CUX1: variants seen among roughly 807,000 people sequenced by gnomAD.
CUX1 encodes protein CASP.
In CUX1, 31 loss-of-function variants were observed where a neutral mutation model predicts 158.8. The observed-to-expected ratio is 0.20, with a 90% confidence interval of 0.15 to 0.26. CUX1 has a LOEUF of 0.26. Ranked by LOEUF, CUX1 falls within the 10% of genes least tolerant of loss-of-function variation. The pLI is 1.00. For synonymous variants in CUX1, 879 were observed against 862.1 expected, an observed-to-expected ratio of 1.02 and a Z score of -0.34; for missense variants, 1,589 against 2,014.6, an observed-to-expected ratio of 0.79 and a Z score of 4.04.
rs1807017548 is a variant in CUX1, at chr7:101,936,951, TG to T, written c.141+20729del. Reference sequence around the variant, plus strand: ...GTATGCTTGTTAAAAATACTGTCCCTGGGCCCCACCCTAGACTTAGTGAGAC... The same window carrying T: ...GTATGCTTGTTAAAAATACTGTCCCTGGCCCCACCCTAGACTTAGTGAGAC... On this transcript the variant is annotated intron_variant, in intron 2 of 23. Coordinates refer to ENST00000292535, the MANE Select transcript of CUX1 (RefSeq NM_181552.4). Among the ~76,000 whole-genome samples, 7 of 152,264 alleles carry T rather than the reference TG, an allele frequency of 4.6e-5. No individual in the cohort carries two copies. In the South Asian group the frequency reaches 1.4e-3, roughly 32 times the overall value.
At chr7:101,882,830 G>T (rs999379361) in intron 1 of CUX1, among the ~76,000 whole-genome samples, 13 of 152,174 alleles carry the variant, frequency 8.5e-5, no homozygotes, top group African/African-American at 3.1e-4. Flanking sequence ...GTCACTGGAG[G>T]CCTGGACTTC....
intron 12 of CUX1, among the ~76,000 whole-genome samples, chr7:102,191,140 C>T (rs1554516841): frequency 6.6e-6 from 1 of 152,120 alleles, no homozygotes; most frequent in African/African-American, 2.4e-5. Context: ...GGTCTCATCC[C>T]CTCTCCAGCT....
intron 8 of CUX1, among the ~76,000 whole-genome samples, chr7:102,142,278 G>T (rs1342413793): frequency 6.6e-5 from 10 of 152,182 alleles, no homozygotes; most frequent in Non-Finnish European, 2.9e-5. Context: ...CACAGGTGAA[G>T]TAAACCAGGA....
At chr7:101,913,427 C>T (rs1244039318) in intron 1 of CUX1, 1 of 1,249,290 alleles carries the variant, frequency 8.0e-7, no homozygotes, top group Non-Finnish European at 1.0e-6. Context: ...GCTCTGCAGC[C>T]CCGGGATCAA....
chr7:102,111,927 G>T, intron 7 of CUX1, 153 bp downstream of exon 7: 1 of 610,114 alleles, frequency 1.6e-6, no homozygotes, highest in Admixed American at 2.8e-5. Flanking sequence ...TCCGCAGCAC[G>T]CCCGCCAGCT....
intron 2 of CUX1, among the ~76,000 whole-genome samples, chr7:101,965,623 G>A (rs201137885): frequency 2.6e-5 from 4 of 151,924 alleles, no homozygotes; most frequent in East Asian, 3.9e-4. Flanking sequence ...CGAGGTGGGC[G>A]GATCACGAGG....
At chr7:101,909,076 G>A (rs972495290) in intron 1 of CUX1, among the ~76,000 whole-genome samples, 13 of 149,872 alleles carry the variant, frequency 8.7e-5, no homozygotes, top group South Asian at 6.5e-4. Context: ...CAAGAGGATC[G>A]CTTGAGCCCA....
chr7:102,006,958 G>A (rs1308977996), intron 2 of CUX1, among the ~76,000 whole-genome samples: 3 of 152,230 alleles, frequency 2.0e-5, no homozygotes, highest in Non-Finnish European at 4.4e-5. Flanking sequence ...TGTATTTCTT[G>A]TAGATTTCGC....
chr7:101,887,864 T>G, intron 1 of CUX1, among the ~76,000 whole-genome samples: 1 of 127,114 alleles, frequency 7.9e-6, no homozygotes, highest in Middle Eastern at 4.2e-3. Flanking sequence ...TTTTTTTTTT[T>G]GTTTAGAAGC....
At position 102,251,334 on chromosome 7, in the gene CUX1, T is replaced by C. The variant is rs2132653379; in HGVS notation, c.*2292T>C. 1 of 985,318 alleles carries C rather than the reference T, an allele frequency of 1.0e-6. No individual in the cohort carries two copies. The highest frequency in any genetic ancestry group is 4.7e-5 in the South Asian group (1 of 21,284). The allele number at this position is 985,318 out of a possible 1,614,324, so 61.0% of individuals were successfully genotyped here. ...GTTAATTAACTTGTAGGACTTTGACTGTAAGATGTGAAACCACGTTTCTTG... is the reference window on the plus strand; with the variant it reads ...GTTAATTAACTTGTAGGACTTTGACCGTAAGATGTGAAACCACGTTTCTTG... On this transcript the variant is annotated 3_prime_UTR_variant, in exon 24 of 24. Transcript: ENST00000292535.
chr7:102,000,160 G>A (rs1382264172), intron 2 of CUX1, among the ~76,000 whole-genome samples: 2 of 151,934 alleles, frequency 1.3e-5, no homozygotes, highest in South Asian at 2.1e-4. Context: ...AGGTTGTAGT[G>A]AGCCAAGATC....
intron 10 of CUX1, among the ~76,000 whole-genome samples, chr7:102,177,811 A>T (rs377089547): frequency 6.6e-6 from 1 of 152,144 alleles, no homozygotes; most frequent in Non-Finnish European, 1.5e-5. Context: ...TTCATTACTA[A>T]TAAGTGTATT....
At chr7:101,831,734 T>TTTATTATTATTATTATTATTA (rs10654094) in intron 1 of CUX1, among the ~76,000 whole-genome samples, 8,929 of 147,320 alleles carry the variant, frequency 0.061, 550 homozygotes, top group East Asian at 0.3. Context: ...GAGAAATAAC[T>TTTATTATTATTATTATTATTA]TTATTATTAT....
intron 3 of CUX1, among the ~76,000 whole-genome samples, chr7:102,068,835 T>C (rs1168383379): frequency 6.6e-6 from 1 of 152,204 alleles, no homozygotes; most frequent in African/African-American, 2.4e-5. Flanking sequence ...TGCGATCTGT[T>C]GTCTCAGCAA....
intron 4 of CUX1, among the ~76,000 whole-genome samples, chr7:102,096,494 G>C (rs1390691373): frequency 6.6e-6 from 1 of 152,148 alleles, no homozygotes; most frequent in African/African-American, 2.4e-5. Flanking sequence ...GATCCCTTGA[G>C]TCCAGTTTGA....
At chr7:102,190,962 C>A (rs533264233) in intron 12 of CUX1, among the ~76,000 whole-genome samples, 1 of 152,168 alleles carries the variant, frequency 6.6e-6, no homozygotes. Context: ...CCACTCACCA[C>A]GTTTTCTTTG....
chr7:101,907,639 C>T (rs953526194), intron 1 of CUX1, among the ~76,000 whole-genome samples: 2 of 152,080 alleles, frequency 1.3e-5, no homozygotes, highest in Non-Finnish European at 2.9e-5. Flanking sequence ...GTGAGTCACC[C>T]ACTGGCCACA....
At chr7:101,899,843 T>C (rs147361081) in intron 1 of CUX1, among the ~76,000 whole-genome samples, 3,095 of 152,118 alleles carry the variant, frequency 0.02, 40 homozygotes, top group East Asian at 0.042. Flanking sequence ...CCATCGAGCA[T>C]GGTGTGAACT....
chr7:102,115,074 T>C (rs1831300644), intron 7 of CUX1, 133 bp from the exon 8 acceptor site: 1 of 748,136 alleles, frequency 1.3e-6, no homozygotes, highest in Non-Finnish European at 2.2e-6. Flanking sequence ...CTTTTGTGTG[T>C]TTTTAATCTT....
Sources: allele counts gnomAD v4.1 joint callset (sites outside exome capture counted in the v4.1 genomes callset), GRCh38; gene constraint gnomAD v4.1.1; transcripts MANE v1.5; gene names NCBI Gene and HGNC (gene_info 2026-07-23, HGNC 2026-07-21).